PSG4: variants seen among roughly 807,000 people sequenced by gnomAD.
PSG4 encodes the protein pregnancy specific beta-1-glycoprotein 4.
In PSG4, 61 loss-of-function variants were observed where a neutral mutation model predicts 44.3. The observed-to-expected ratio is 1.38, with a 90% CI of 1.12 to 1.70. The LOEUF (loss-of-function observed/expected upper bound fraction) is 1.70. Among genes scored for constraint, PSG4 ranks in the 40% most tolerant of loss-of-function variants. The pLI, the probability that PSG4 is intolerant of heterozygous loss-of-function variation, is 0.00. For synonymous variants in PSG4, 248 were observed against 191.3 expected, an observed-to-expected ratio of 1.30 and a Z score of -2.45; for missense variants, 677 against 511.7, an observed-to-expected ratio of 1.32 and a Z score of -3.12.
chr19:43,198,461 C>T, intron 2 of PSG4, 186 bp from the exon 3 acceptor site: 1 of 1,115,660 alleles, frequency 9.0e-7, no homozygotes, highest in Non-Finnish European at 1.2e-6. Flanking sequence ...AGGCTGCCTG[C>T]TTTATGTGGG....
intron 2 of PSG4, chr19:43,202,999 C>G (rs1426439381): frequency 6.9e-6 from 1 of 145,782 alleles, no homozygotes; most frequent in African/African-American, 2.7e-5. Context: ...TCAGTTTTCT[C>G]TCAATCAAAT....
At position 43,204,252 on chromosome 19, in the gene PSG4, C is replaced by A; in HGVS notation, c.65-1G>T. 6.4e-7 allele frequency: 1 copy of A among 1,569,490 alleles called. No homozygotes were observed. Among genetic ancestry groups the A allele is most frequent in the Non-Finnish European group, 8.6e-7 (1 of 1,162,284 alleles). On this transcript the variant is annotated splice_acceptor_variant, in intron 1 of 5. Transcript: ENST00000405312. LOFTEE classifies it high-confidence loss of function. ...GGATTCCAGAAGTTTAAAAGTGATG[C>A]TAGGAGGTACAGAGAGCATCAGTTA...
At chr19:43,198,351 G>A (rs576794839) in intron 2 of PSG4, 76 bp from the exon 3 acceptor site, 1 of 1,526,142 alleles carries the variant, frequency 6.6e-7, no homozygotes, top group Admixed American at 2.0e-5. Flanking sequence ...AATCAGAGTT[G>A]GCATTTCCCA....
At chr19:43,200,014 T>C (rs539837861) in intron 2 of PSG4, among the ~76,000 whole-genome samples, 1 of 145,510 alleles carries the variant, frequency 6.9e-6, no homozygotes, top group South Asian at 2.2e-4. Flanking sequence ...ATGTGTGTTA[T>C]GTTAGTAAAT....
At position 43,202,589 on chromosome 19, in the gene PSG4, T is replaced by C. The variant is rs539225931; in HGVS notation, c.430+1297A>G. On this transcript the variant is annotated intron_variant, in intron 2 of 5. Coordinates refer to ENST00000405312, the MANE Select transcript of PSG4 (RefSeq NM_002780.5). Reference sequence around the variant, plus strand: ...TCGCTGGGCCTGTGCTGGTGCAGGGTGTGAGTGGGGAAAGAAAACAAGGTC... The same window carrying C: ...TCGCTGGGCCTGTGCTGGTGCAGGGCGTGAGTGGGGAAAGAAAACAAGGTC... Among the ~76,000 whole-genome samples the C allele has an allele frequency of 2.1e-5, 3 of 144,250 alleles. No homozygotes were observed. In the South Asian group the frequency reaches 6.6e-4, roughly 32 times the overall value. 94.6% of individuals were successfully genotyped at this position (144,250 alleles called of 152,430 possible).
chr19:43,197,886 C>G, intron 3 of PSG4, 111 bp downstream of exon 3: 1 of 1,574,244 alleles, frequency 6.4e-7, no homozygotes, highest in Non-Finnish European at 8.6e-7. Context: ...GCTTTGATGT[C>G]TAGGGGTAAA....
In PSG4 at chr19:43,192,944, G is replaced by A. The variant is rs1452580149; in HGVS notation, c.*428C>T. On this transcript the variant is annotated 3_prime_UTR_variant, in exon 6 of 6. Transcript: ENST00000405312. Reference sequence around the variant, plus strand: ...AGATGGAGAGAGCCACATTTCCCCTGAGATGTTACGTAAAAGTTTGAGGTT... The same window carrying A: ...AGATGGAGAGAGCCACATTTCCCCTAAGATGTTACGTAAAAGTTTGAGGTT... The A allele has an allele frequency of 9.2e-6, 4 of 436,610 alleles. No individual in the cohort carries two copies. 27.0% of individuals were successfully genotyped at this position (436,610 alleles called of 1,614,324 possible).
rs565976817 is a variant in PSG4, at chr19:43,194,600, G to T, written c.989-6C>A. ...GCTGGGGAGGTCTGGACCATCTGGCGCAAAGAGAATAAAGCCATAGGTGAT... is the reference window on the plus strand; with the variant it reads ...GCTGGGGAGGTCTGGACCATCTGGCTCAAAGAGAATAAAGCCATAGGTGAT... On this transcript the variant is annotated splice_region_variant and splice_polypyrimidine_tract_variant and intron_variant, in intron 4 of 5. Coordinates refer to ENST00000405312, the MANE Select transcript of PSG4 (RefSeq NM_002780.5). 12 of 1,606,824 alleles carry T rather than the reference G, an allele frequency of 7.5e-6. No individual in the cohort carries two copies. In the African/African-American group the frequency reaches 1.1e-4, roughly 14 times the overall value.
intron 2 of PSG4, among the ~76,000 whole-genome samples, chr19:43,202,617 C>G (rs992102131): frequency 2.8e-5 from 4 of 144,590 alleles, no homozygotes; most frequent in Non-Finnish European, 4.5e-5. Flanking sequence ...ACAAGGTCCT[C>G]TCCTTGATCT....
At chr19:43,197,946 A>AT (rs11428975) in intron 3 of PSG4, 51 bp downstream of exon 3, 447,931 of 1,581,498 alleles carry the variant, frequency 0.28, 98,203 homozygotes, top group East Asian at 0.91. Context: ...GCCTCTGGCC[A>AT]TGTGTATTTG....
intron 3 of PSG4, 167 bp downstream of exon 3, chr19:43,197,830 A>G: frequency 7.3e-7 from 1 of 1,369,708 alleles, no homozygotes; most frequent in Non-Finnish European, 9.8e-7. Context: ...ATTGTGGATC[A>G]AGCCTAGGCC....
chr19:43,205,132 G>A (rs1387616176), intron 1 of PSG4, among the ~76,000 whole-genome samples: 1 of 24,506 alleles, frequency 4.1e-5, no homozygotes, highest in Non-Finnish European at 8.0e-5. Context: ...TTTTGAGACG[G>A]AGTCTCGTCC....
Position 43,193,156 on chromosome 19 carries a change from C to T in PSG4, c.*216G>A. On this transcript the variant is annotated 3_prime_UTR_variant, in exon 6 of 6. Coordinates refer to ENST00000405312, the MANE Select transcript of PSG4 (RefSeq NM_002780.5). ...GGAAAAACTGTCCACAGTGTGAAGT[C>T]ATCAACTTGTTATCCTGGTTTACAG... is the stretch of plus-strand genomic sequence containing the variant. 1.4e-6 allele frequency: 1 copy of T among 709,972 alleles called. No homozygotes were observed. The highest frequency in any genetic ancestry group is 2.6e-6 in the Non-Finnish European group (1 of 388,312). 44.0% of individuals were successfully genotyped at this position (709,972 alleles called of 1,614,324 possible). A position where few individuals can be genotyped will look rare whatever the true frequency, so the allele number is the denominator to read the frequency against.
chr19:43,194,928 G>C, intron 4 of PSG4, 67 bp downstream of exon 4: 1 of 1,589,808 alleles, frequency 6.3e-7, no homozygotes, highest in East Asian at 2.2e-5. Flanking sequence ...GAGACTGAGA[G>C]ACCTGGCCTC....
Position 43,195,054 on chromosome 19 carries a change from C to CT in PSG4, c.928_929insA (p.Cys310Ter). The CT allele has an allele frequency of 1.2e-6, 2 of 1,611,894 alleles. No homozygotes were observed. The highest frequency in any genetic ancestry group is 2.2e-5 in the South Asian group (2 of 91,022). Reference protein sequence around the residue: ...VTRNETGPYQCEIRDRYGGIR... With the variant: ...VTRNETGPYQ ...GCCACCATATCGGTCCCGTATTTCACATTGATAAGGTCCTGTTTCATTTCT... is the reference window on the plus strand; with the variant it reads ...GCCACCATATCGGTCCCGTATTTCACTATTGATAAGGTCCTGTTTCATTTCT... Residue 310 changes from cysteine (C) to a stop codon, truncating the protein, a stop_gained and frameshift_variant, in exon 4 of 6, where the codon TGT (cysteine) becomes TAGT (stop). Coordinates refer to ENST00000405312, the MANE Select transcript of PSG4 (RefSeq NM_002780.5). LOFTEE classifies it high-confidence loss of function.
intron 2 of PSG4, among the ~76,000 whole-genome samples, chr19:43,202,253 A>G (rs911319126): frequency 2.1e-5 from 3 of 145,024 alleles, no homozygotes; most frequent in Non-Finnish European, 4.5e-5. Context: ...GGCAGTGAGC[A>G]GTGAGGGTTA....
rs145145983 is a variant in PSG4, at chr19:43,195,046, G to A, written c.937C>T (p.Arg313Trp). 16,023 of 1,611,794 alleles carry A rather than the reference G, an allele frequency of 9.9e-3. 593 individuals are homozygous for A. The highest frequency in any genetic ancestry group is 0.068 in the African/African-American group (5,087 of 74,502). ...NETGPYQCEI[R>W]DRYGGIRSDP... ...CTGCGGATGCCACCATATCGGTCCCGTATTTCACATTGATAAGGTCCTGTT... is the reference window on the plus strand; with the variant it reads ...CTGCGGATGCCACCATATCGGTCCCATATTTCACATTGATAAGGTCCTGTT... Residue 313 changes from arginine to tryptophan, a missense_variant, in exon 4 of 6, where the codon CGG becomes TGG. Transcript: ENST00000405312.
chr19:43,203,961 A>C lies in PSG4; in HGVS notation c.355T>G (p.Ser119Ala). ...IQNVTQEDAG[S>A]YTLHIIKRRD... ...CGCTTTATGATGTGTAAGGTGTAGG[A>C]TCCTGCATCCTCCTGCGTGACATTC... The change falls in exon 2 of 6, where the codon TCC becomes GCC. Residue 119 changes from serine (S) to alanine (A), a missense_variant. Coordinates refer to ENST00000405312, the MANE Select transcript of PSG4 (RefSeq NM_002780.5). 1.3e-6 allele frequency: 2 copies of C among 1,587,382 alleles called. 1 individual carries two copies. The highest frequency in any genetic ancestry group is 2.9e-5 in the African/African-American group (2 of 69,686).
rs2122275529 is a variant in PSG4, at chr19:43,192,839, T to C, written c.*533A>G. ...GACTCTACTATAATTTCAGCTTTCCTACTCTTTATAGAAACCATCTTCTCT... is the reference window on the plus strand; with the variant it reads ...GACTCTACTATAATTTCAGCTTTCCCACTCTTTATAGAAACCATCTTCTCT... On this transcript the variant is annotated 3_prime_UTR_variant, in exon 6 of 6. Transcript: ENST00000405312. 4.2e-6 allele frequency: 1 copy of C among 235,360 alleles called. No homozygotes were observed. The highest frequency in any genetic ancestry group is 8.3e-6 in the Non-Finnish European group (1 of 120,124). The allele number at this position is 235,360 out of a possible 1,614,324, so 14.6% of individuals were successfully genotyped here.
Sources: allele counts gnomAD v4.1 joint callset (sites outside exome capture counted in the v4.1 genomes callset), GRCh38; gene constraint gnomAD v4.1.1; transcripts MANE v1.5; gene names NCBI Gene and HGNC (gene_info 2026-07-23, HGNC 2026-07-21).